TSKS: variants seen among roughly 807,000 people sequenced by gnomAD.
TSKS encodes the protein testis specific serine kinase substrate.
Under a neutral mutation model 68.0 loss-of-function variants are expected in TSKS, and 27 were observed. The observed-to-expected ratio is 0.40, with a 90% CI of 0.29 to 0.55. The LOEUF (loss-of-function observed/expected upper bound fraction) is 0.55. Ranked by LOEUF, TSKS falls within the 20% of genes least tolerant of loss-of-function variation. The pLI is 0.53. For missense variants in TSKS, 806 were observed against 776.0 expected (o/e 1.04, Z -0.46); for synonymous variants, 331 against 340.4 (o/e 0.97, Z 0.30).
chr19:49,751,967 A>G (rs2123617864), intron 2 of TSKS, among the ~76,000 whole-genome samples: 1 of 150,742 alleles, frequency 6.6e-6, no homozygotes, highest in South Asian at 2.1e-4. Context: ...CCAGCTCCTC[A>G]GGAGGCTGAG....
intron 2 of TSKS, among the ~76,000 whole-genome samples, chr19:49,753,592 A>T (rs1568565140): frequency 6.8e-6 from 1 of 147,368 alleles, no homozygotes; most frequent in Non-Finnish European, 1.5e-5. Context: ...TAATAATAAT[A>T]ATAAAATAAA....
intron 2 of TSKS, among the ~76,000 whole-genome samples, chr19:49,753,782 TAATA>T (rs1568565214): frequency 6.6e-6 from 1 of 150,382 alleles, no homozygotes; most frequent in Non-Finnish European, 1.5e-5. Context: ...TAAATAAAAA[TAATA>T]AAATAAAAAG....
At position 49,763,074 on chromosome 19, in the gene TSKS, C is replaced by T; in HGVS notation, c.170+4G>A. 6.2e-7 allele frequency: 1 copy of T among 1,610,822 alleles called. No homozygotes were observed. The highest frequency in any genetic ancestry group is 8.5e-7 in the Non-Finnish European group (1 of 1,178,348). On this transcript the variant is annotated splice_donor_region_variant and intron_variant, in intron 1 of 10. Coordinates refer to ENST00000246801, the MANE Select transcript of TSKS (RefSeq NM_021733.2). The surrounding 1 kb of genome is among the most constrained non-coding windows in gnomAD (Gnocchi z 4.5). ...CCATCCCTGACAGTGTGCAACAAAC[C>T]CACCCGTGGAACGACACGGCCTTCT...
chr19:49,761,712 C>A (rs564495880), intron 2 of TSKS, among the ~76,000 whole-genome samples: 6 of 152,160 alleles, frequency 3.9e-5, no homozygotes, highest in African/African-American at 1.4e-4. Flanking sequence ...GCCTGTAATC[C>A]CAGCACTGTG....
chr19:49,742,079 G>C (rs1028070462), intron 8 of TSKS, 59 bp from the exon 9 acceptor site: 1 of 1,591,536 alleles, frequency 6.3e-7, no homozygotes. Flanking sequence ...GACGCCCCAT[G>C]CCCCATGCTC....
chr19:49,745,674 G>GC (rs904786949), intron 6 of TSKS, among the ~76,000 whole-genome samples: 125 of 152,046 alleles, frequency 8.2e-4, no homozygotes, highest in Non-Finnish European at 1.6e-3. Flanking sequence ...CCAGACACTG[G>GC]CCCCCCAAGG....
At chr19:49,756,896 C>CA (rs2084396777) in intron 2 of TSKS, among the ~76,000 whole-genome samples, 1 of 151,888 alleles carries the variant, frequency 6.6e-6, no homozygotes, top group Non-Finnish European at 1.5e-5. Context: ...CCTGTTTCTA[C>CA]AAAAAATACA....
At chr19:49,756,390 T>C (rs1296093787) in intron 2 of TSKS, among the ~76,000 whole-genome samples, 2 of 151,694 alleles carry the variant, frequency 1.3e-5, no homozygotes, top group African/African-American at 4.8e-5. Context: ...GCCCAGGAGG[T>C]TGAGGCTGCA....
chr19:49,741,677 G>A (rs2084253512), intron 9 of TSKS, among the ~76,000 whole-genome samples: 1 of 152,086 alleles, frequency 6.6e-6, no homozygotes, highest in African/African-American at 2.4e-5. Flanking sequence ...CCGAGGTAGC[G>A]TAATGATTGG....
intron 2 of TSKS, among the ~76,000 whole-genome samples, chr19:49,760,782 C>A (rs572876874): frequency 6.6e-6 from 1 of 151,958 alleles, no homozygotes; most frequent in Non-Finnish European, 1.5e-5. Context: ...AGAGCAAGAC[C>A]CTGCCTTAAA....
chr19:49,746,154 G>A (rs1568561744), intron 6 of TSKS, among the ~76,000 whole-genome samples: 1 of 152,068 alleles, frequency 6.6e-6, no homozygotes, highest in Non-Finnish European at 1.5e-5. Context: ...CTGCACTCCA[G>A]CCTGGGCGAC....
At chr19:49,752,480 C>A (rs2084359798) in intron 2 of TSKS, among the ~76,000 whole-genome samples, 1 of 152,038 alleles carries the variant, frequency 6.6e-6, no homozygotes, top group African/African-American at 2.4e-5. Context: ...GAGGCCCTCA[C>A]CAAAAGCTGA....
Position 49,745,375 on chromosome 19 carries a change from G to C in TSKS, c.1014C>G (p.Thr338=). The C allele has an allele frequency of 1.3e-6, 2 of 1,575,406 alleles. No individual in the cohort carries two copies. The highest frequency in any genetic ancestry group is 1.7e-6 in the Non-Finnish European group (2 of 1,164,880). ...EELRREVSSL[T]ARWHQEEGAV... is the part of the protein sequence containing the mutation. The stretch of plus-strand genomic sequence containing the variant: ...CCCCCTCCTCCTGATGCCACCGGGC[G>C]GTCAGTGAGGACACCTCTCTCCTGG... Residue 338 remains threonine (T), a synonymous_variant, in exon 7 of 11, where the codon ACC becomes ACG. Coordinates refer to ENST00000246801, the MANE Select transcript of TSKS (RefSeq NM_021733.2).
At chr19:49,743,834 G>A (rs776031008) in intron 8 of TSKS, among the ~76,000 whole-genome samples, 4 of 151,714 alleles carry the variant, frequency 2.6e-5, no homozygotes, top group Non-Finnish European at 5.9e-5. Flanking sequence ...AACTTCCTGA[G>A]TAGCTGGGAT....
Position 49,748,436 on chromosome 19 carries a change from C to T in TSKS, c.433G>A (p.Asp145Asn). ...TTTTCCTTCAAGCTGGTGATGGAGT[C>T]TTTGGCGCGGACCAATCCACTGTTG... Reference protein sequence around the residue: ...GVNSGLVRAKDSITSLKEKTN... With the variant: ...GVNSGLVRAKNSITSLKEKTN... The change falls in exon 3 of 11, where the codon GAC becomes AAC. Residue 145 changes from aspartate to asparagine, a missense_variant. Physicochemically the swap from Asp to Asn is conservative, Grantham distance 23. Coordinates refer to ENST00000246801, the MANE Select transcript of TSKS (RefSeq NM_021733.2). 1 of 1,614,210 alleles carries T rather than the reference C, an allele frequency of 6.2e-7. No individual in the cohort carries two copies. Among genetic ancestry groups the T allele is most frequent in the Non-Finnish European group, 8.5e-7 (1 of 1,180,042 alleles).
intron 5 of TSKS, among the ~76,000 whole-genome samples, 192 bp from the exon 6 acceptor site, chr19:49,746,990 C>T (rs1252513102): frequency 1.3e-5 from 2 of 152,244 alleles, no homozygotes; most frequent in Non-Finnish European, 2.9e-5. Flanking sequence ...CTCCAATTCC[C>T]GCTAACCTCC....
intron 4 of TSKS, 83 bp from the exon 5 acceptor site, chr19:49,747,555 G>A: frequency 2.9e-6 from 4 of 1,399,052 alleles, no homozygotes; most frequent in Non-Finnish European, 4.0e-6. Flanking sequence ...TTCCATCCAG[G>A]CTCCAGGCCT....
At chr19:49,752,486 G>C (rs918182315) in intron 2 of TSKS, among the ~76,000 whole-genome samples, 1 of 151,912 alleles carries the variant, frequency 6.6e-6, no homozygotes, top group African/African-American at 2.4e-5. Flanking sequence ...CTCACCAAAA[G>C]CTGAGCAGAT....
At position 49,762,222 on chromosome 19, in the gene TSKS, G is replaced by A; in HGVS notation, c.181C>T (p.Gln61Ter). Residue 61 changes from glutamine (Q) to a stop codon, truncating the protein, a stop_gained, in exon 2 of 11, where the codon CAG (glutamine) becomes TAG (stop). Coordinates refer to ENST00000246801, the MANE Select transcript of TSKS (RefSeq NM_021733.2). LOFTEE classifies it high-confidence loss of function. ...CAGTGCATGGGCTGATGGGACATCT[G>A]GGGCTCCACCCTGCAGAGAAGAAAC... Reference protein sequence around the residue: ...KAVSFHGVEPQMSHQPMHWCL... With the variant: ...KAVSFHGVEP 1 of 1,613,784 alleles carries A rather than the reference G, an allele frequency of 6.2e-7. No homozygotes were observed. Among genetic ancestry groups the A allele is most frequent in the South Asian group, 1.1e-5 (1 of 91,064 alleles).
Sources: allele counts gnomAD v4.1 joint callset (sites outside exome capture counted in the v4.1 genomes callset), GRCh38; gene constraint gnomAD v4.1.1; non-coding constraint Gnocchi (gnomAD v3.1); transcripts MANE v1.5; gene names NCBI Gene and HGNC (gene_info 2026-07-23, HGNC 2026-07-21).